The following CNTNAP2 variants were observed in gnomAD, a reference collection of about 807,000 sequenced individuals.
CNTNAP2 encodes the protein contactin-associated protein-like 2.
A neutral mutation model predicts 155.2 loss-of-function variants in CNTNAP2; 98 were observed. The ratio of observed to expected loss-of-function variants is 0.63; its 90% confidence interval spans 0.54 to 0.75. The LOEUF (loss-of-function observed/expected upper bound fraction) is 0.75. Among genes scored for constraint, CNTNAP2 ranks in the 30% least tolerant of loss-of-function variants. CNTNAP2 has a pLI of 0.00. For missense variants in CNTNAP2, 1,727 were observed against 1,688.1 expected, an observed-to-expected ratio of 1.02 and a Z score of -0.40; for synonymous variants, 651 against 631.2, an observed-to-expected ratio of 1.03 and a Z score of -0.47.
intron 9 of CNTNAP2, among the ~76,000 whole-genome samples, chr7:147,355,148 A>T (rs826819): frequency 2.0e-5 from 3 of 151,692 alleles, no homozygotes; most frequent in East Asian, 1.9e-4. Context: ...TTTCGAGTAA[A>T]GTGGAACCCG....
intron 1 of CNTNAP2, among the ~76,000 whole-genome samples, chr7:146,177,534 G>A (rs1798487262): frequency 6.6e-6 from 1 of 152,098 alleles, no homozygotes; most frequent in South Asian, 2.1e-4. Context: ...AAGCCAAATT[G>A]AACCAGTCCA....
At chr7:147,990,678 T>C (rs1801697253) in intron 15 of CNTNAP2, among the ~76,000 whole-genome samples, 1 of 152,086 alleles carries the variant, frequency 6.6e-6, no homozygotes, top group African/African-American at 2.4e-5. Flanking sequence ...GGCGATTTTT[T>C]TATCAAGGGG....
intron 5 of CNTNAP2, among the ~76,000 whole-genome samples, chr7:147,116,811 A>G (rs572459601): frequency 6.6e-6 from 1 of 152,158 alleles, no homozygotes; most frequent in East Asian, 2.0e-4. Flanking sequence ...GGAAGAATGG[A>G]TCAGGGCTCT....
intron 8 of CNTNAP2, among the ~76,000 whole-genome samples, chr7:147,263,176 A>G (rs571529339): frequency 6.6e-6 from 1 of 152,142 alleles, no homozygotes; most frequent in East Asian, 1.9e-4. Flanking sequence ...GCAAAACCTC[A>G]TCTCTACAAA....
chr7:147,494,948 G>A (rs914620982), intron 11 of CNTNAP2, among the ~76,000 whole-genome samples: 1 of 152,082 alleles, frequency 6.6e-6, no homozygotes, highest in African/African-American at 2.4e-5. Context: ...TGGTGTACAG[G>A]ATTATCTTTA....
intron 1 of CNTNAP2, among the ~76,000 whole-genome samples, chr7:146,702,800 G>A (rs1331025363): frequency 6.6e-6 from 1 of 152,048 alleles, no homozygotes; most frequent in Non-Finnish European, 1.5e-5. Flanking sequence ...TTAATGTTGT[G>A]TGCTTTCAGA....
intron 15 of CNTNAP2, among the ~76,000 whole-genome samples, chr7:148,021,874 A>T (rs534590984): frequency 1.3e-5 from 2 of 152,310 alleles, no homozygotes; most frequent in East Asian, 3.9e-4. Context: ...GGGGAAGGGC[A>T]TCAGACACGG....
chr7:147,301,839 G>C (rs948045596), intron 9 of CNTNAP2, among the ~76,000 whole-genome samples: 1 of 152,122 alleles, frequency 6.6e-6, no homozygotes. Flanking sequence ...AAACAGAGGA[G>C]GCCCTAGGCA....
chr7:148,089,682 G>A (rs1415055943), intron 15 of CNTNAP2, among the ~76,000 whole-genome samples: 1 of 151,688 alleles, frequency 6.6e-6, no homozygotes. Context: ...TCATGAATTT[G>A]AAGAATATTG....
chr7:146,483,278 AAAAAATATATAT>A (rs1309161322), intron 1 of CNTNAP2, among the ~76,000 whole-genome samples: 37 of 57,442 alleles, frequency 6.4e-4, no homozygotes, highest in South Asian at 1.1e-3. Context: ...TCCGTCTAAA[AAAAAATATATAT>A]ATATATATAT....
chr7:147,192,349 C>A (rs1464486438), intron 8 of CNTNAP2, among the ~76,000 whole-genome samples: 1 of 152,012 alleles, frequency 6.6e-6, no homozygotes, highest in African/African-American at 2.4e-5. Context: ...CTCTTTATGT[C>A]TTTTGTCACA....
At chr7:146,599,184 A>G (rs539354482) in intron 1 of CNTNAP2, among the ~76,000 whole-genome samples, 2 of 152,236 alleles carry the variant, frequency 1.3e-5, no homozygotes, top group South Asian at 2.1e-4. Flanking sequence ...AATTATTGCA[A>G]TAACTTGCTA....
At chr7:148,274,401 T>C (rs1796835146) in intron 21 of CNTNAP2, among the ~76,000 whole-genome samples, 1 of 152,148 alleles carries the variant, frequency 6.6e-6, no homozygotes, top group African/African-American at 2.4e-5. Context: ...ATAGTTTGGA[T>C]ATTTGTCCCC....
At chr7:147,393,300 A>G (rs1054232431) in intron 9 of CNTNAP2, among the ~76,000 whole-genome samples, 3 of 152,260 alleles carry the variant, frequency 2.0e-5, no homozygotes, top group African/African-American at 7.2e-5. Context: ...TACCAAGATC[A>G]AACAGAACAT....
intron 1 of CNTNAP2, among the ~76,000 whole-genome samples, chr7:146,357,841 A>G (rs1455429913): frequency 6.6e-6 from 1 of 151,948 alleles, no homozygotes; most frequent in Non-Finnish European, 1.5e-5. Flanking sequence ...TTTAAACAAG[A>G]AAAACAATCA....
At chr7:147,906,199 A>ATT (rs112493447) in intron 14 of CNTNAP2, among the ~76,000 whole-genome samples, 2 of 150,264 alleles carry the variant, frequency 1.3e-5, no homozygotes, top group African/African-American at 4.9e-5. Context: ...GAAAACATAG[A>ATT]TTTTTTTTTT....
intron 1 of CNTNAP2, among the ~76,000 whole-genome samples, chr7:146,163,519 A>ATC (rs1472650637): frequency 1.5e-4 from 22 of 145,442 alleles, no homozygotes; most frequent in African/African-American, 4.8e-4. Flanking sequence ...ATATATATCT[A>ATC]TATATATCTA....
intron 10 of CNTNAP2, among the ~76,000 whole-genome samples, chr7:147,448,216 T>G (rs1227039971): frequency 6.6e-6 from 1 of 152,120 alleles, no homozygotes; most frequent in East Asian, 1.9e-4. Context: ...AAATATTCTT[T>G]TAATGTTTGT....
At chr7:147,861,568 A>G (rs1011436209) in intron 13 of CNTNAP2, among the ~76,000 whole-genome samples, 1 of 152,216 alleles carries the variant, frequency 6.6e-6, no homozygotes, top group African/African-American at 2.4e-5. Flanking sequence ...AAAGTTTGCA[A>G]TCCAATTAGA....
Sources: gnomAD v4.1 joint callset for allele counts (sites outside exome capture counted in the v4.1 genomes callset) on GRCh38, gnomAD v4.1.1 for gene constraint, MANE v1.5 for transcripts, NCBI Gene and HGNC (gene_info 2026-07-23, HGNC 2026-07-21) for gene names.